The following RASSF6 variants were observed in gnomAD, a reference collection of about 807,000 sequenced individuals.
RASSF6 encodes ras association domain-containing protein 6.
Under a neutral mutation model 44.0 loss-of-function variants are expected in RASSF6, and 52 were observed. The ratio of observed to expected loss-of-function variants is 1.18; its 90% CI spans 0.95 to 1.49. The LOEUF is 1.49. Ranked by LOEUF, RASSF6 falls within the 40% of genes most tolerant of loss-of-function variation. The pLI is 0.00. For missense variants in RASSF6, 464 were observed against 393.3 expected (o/e 1.18, Z -1.52); for synonymous variants, 162 against 124.6 (o/e 1.30, Z -2.00).
At chr4:73,579,215 T>G (rs139425171) in intron 8 of RASSF6, among the ~76,000 whole-genome samples, 1 of 152,344 alleles carries the variant, frequency 6.6e-6, no homozygotes, top group Non-Finnish European at 1.5e-5. Context: ...GATGAGTAAC[T>G]TTGTCTTTAG....
At chr4:73,616,674 T>G (rs994891416) in intron 1 of RASSF6, among the ~76,000 whole-genome samples, 2 of 152,128 alleles carry the variant, frequency 1.3e-5, no homozygotes, top group African/African-American at 4.8e-5. Flanking sequence ...ACGTCCCCAG[T>G]AAAAGCTACT....
intron 4 of RASSF6, among the ~76,000 whole-genome samples, chr4:73,592,127 G>A (rs1724604060): frequency 6.6e-6 from 1 of 152,206 alleles, no homozygotes; most frequent in Non-Finnish European, 1.5e-5. Context: ...GCAGAGTCAG[G>A]AAAATTAGAA....
Position 73,576,706 on chromosome 4 carries a change from G to A in RASSF6, c.747C>T (p.Asp249=), listed in dbSNP as rs768658192. Residue 249 remains aspartate, a synonymous_variant, in exon 9 of 11, where the codon GAC becomes GAT. Coordinates refer to ENST00000307439, the MANE Select transcript of RASSF6 (RefSeq NM_177532.5). ...GTAGGAGCCTCTGCAGTAGCGGAAT[G>A]TCTGTCTTCTTTAGTCGTCTTTGTT... ...TGEQRRLKKT[D]IPLLQRLLQG... 3 of 1,611,484 alleles carry A rather than the reference G, an allele frequency of 1.9e-6. No individual in the cohort carries two copies. The highest frequency in any genetic ancestry group is 2.7e-5 in the African/African-American group (2 of 74,832).
chr4:73,576,766 G>A (rs1723264979), intron 8 of RASSF6, 35 bp from the exon 9 acceptor site: 3 of 1,223,006 alleles, frequency 2.5e-6, no homozygotes, highest in East Asian at 2.4e-5. Context: ...ACAATCAGAA[G>A]TTCATGCTGC....
At chr4:73,615,560 C>A (rs1406499) in intron 1 of RASSF6, among the ~76,000 whole-genome samples, 3,003 of 152,284 alleles carry the variant, frequency 0.02, 71 homozygotes, top group African/African-American at 0.055. Flanking sequence ...TGTTACAAAT[C>A]TATGTAGGCC....
chr4:73,620,472 G>A (rs1726633646), upstream of RASSF6: 2 of 1,547,050 alleles, frequency 1.3e-6, no homozygotes, highest in African/African-American at 2.7e-5. Context: ...CGCGGGCGCA[G>A]GGGCGGCGCC....
chr4:73,593,722 G>A, intron 3 of RASSF6, 129 bp from the exon 4 acceptor site: 1 of 893,106 alleles, frequency 1.1e-6, no homozygotes. Context: ...CAGGGTTGTT[G>A]TTTGGCTTTC....
At chr4:73,582,094 C>A in intron 7 of RASSF6, 95 bp downstream of exon 7, 1 of 695,838 alleles carries the variant, frequency 1.4e-6, no homozygotes, top group Non-Finnish European at 2.4e-6. Context: ...TTTAGATTTA[C>A]ACCTTTATAG....
chr4:73,589,020 A>T (rs1724323802), intron 4 of RASSF6, among the ~76,000 whole-genome samples: 1 of 152,156 alleles, frequency 6.6e-6, no homozygotes, highest in Admixed American at 6.6e-5. Context: ...GCAACAAAAA[A>T]TATTTATTAA....
Position 73,576,224 on chromosome 4 carries a change from AG to A in RASSF6, c.*10del, listed in dbSNP as rs749506388. Reference sequence around the variant, plus strand: ...TTTTTTGAAATGTTTTAGCAATAGAAGCTTGTACTGCTAAACTGTTGTCTCT... The same window carrying A: ...TTTTTTGAAATGTTTTAGCAATAGAACTTGTACTGCTAAACTGTTGTCTCT... On this transcript the variant is annotated 3_prime_UTR_variant, in exon 11 of 11. Transcript: ENST00000307439. 1 of 1,471,074 alleles carries A rather than the reference AG, an allele frequency of 6.8e-7. No homozygotes were observed. Among genetic ancestry groups the A allele is most frequent in the South Asian group, 1.2e-5 (1 of 84,254 alleles). 91.1% of individuals were successfully genotyped at this position (1,471,074 alleles called of 1,614,324 possible).
At chr4:73,593,161 G>A (rs912939613) in intron 4 of RASSF6, among the ~76,000 whole-genome samples, 1 of 151,868 alleles carries the variant, frequency 6.6e-6, no homozygotes, top group East Asian at 1.9e-4. Flanking sequence ...GATTACAGGC[G>A]GCTGCCACCA....
At chr4:73,578,843 C>G (rs943786034) in intron 8 of RASSF6, among the ~76,000 whole-genome samples, 5 of 151,956 alleles carry the variant, frequency 3.3e-5, no homozygotes, top group African/African-American at 4.8e-5. Flanking sequence ...AACTCATGAC[C>G]TCAAATGATC....
chr4:73,604,106 G>C (rs956225234), intron 2 of RASSF6: 1 of 152,184 alleles, frequency 6.6e-6, no homozygotes, highest in Admixed American at 6.5e-5. Flanking sequence ...CCCTGGCTGT[G>C]CTTCCTGAGT....
At chr4:73,605,242 A>C (rs912758563) in intron 2 of RASSF6, among the ~76,000 whole-genome samples, 1 of 152,224 alleles carries the variant, frequency 6.6e-6, no homozygotes, top group Non-Finnish European at 1.5e-5. Flanking sequence ...TTTTAGGTTC[A>C]TAAAAATGTA....
intron 6 of RASSF6, among the ~76,000 whole-genome samples, chr4:73,583,628 T>C (rs1051811339): frequency 5.9e-5 from 9 of 152,154 alleles, no homozygotes; most frequent in Non-Finnish European, 1.2e-4. Flanking sequence ...GAATGCTTTG[T>C]TTTTTCTTTT....
At chr4:73,620,512 G>T (rs1726635622), upstream of RASSF6, 3 of 1,527,690 alleles carry the variant, frequency 2.0e-6, no homozygotes, top group South Asian at 3.7e-5. Flanking sequence ...GCTCAGCTGG[G>T]CGCTTGCAGT....
At chr4:73,607,900 C>T (rs1483844812) in intron 2 of RASSF6, among the ~76,000 whole-genome samples, 3 of 123,460 alleles carry the variant, frequency 2.4e-5, no homozygotes, top group Non-Finnish European at 3.5e-5. Flanking sequence ...CCCCTCCCCT[C>T]CCCTCCTCTC....
At chr4:73,584,773 T>G (rs28693538) in intron 6 of RASSF6, among the ~76,000 whole-genome samples, 42,366 of 151,928 alleles carry the variant, frequency 0.28, 6,135 homozygotes, top group Admixed American at 0.41. Context: ...CTCATCTGCA[T>G]GTTTTTAATA....
chr4:73,613,390 G>A (rs924006383), intron 1 of RASSF6, among the ~76,000 whole-genome samples: 3 of 152,106 alleles, frequency 2.0e-5, no homozygotes, highest in African/African-American at 7.2e-5. Context: ...CACAGGATTT[G>A]GTCTGGGCAA....
Sources: allele counts gnomAD v4.1 joint callset (sites outside exome capture counted in the v4.1 genomes callset), GRCh38; gene constraint gnomAD v4.1.1; transcripts MANE v1.5; gene names NCBI Gene and HGNC (gene_info 2026-07-23, HGNC 2026-07-21).